Variants in MYH6 observed in about 807,000 individuals in gnomAD.
MYH6 encodes myosin heavy chain 6, also known as myosin-6.
In MYH6, 126 loss-of-function variants were observed where a neutral mutation model predicts 223.2. The ratio of observed to expected loss-of-function variants is 0.56; its 90% CI spans 0.49 to 0.65. The LOEUF (loss-of-function observed/expected upper bound fraction) is 0.65. Among genes scored for constraint, MYH6 ranks in the 30% least tolerant of loss-of-function variants. The pLI, the probability that MYH6 is intolerant of heterozygous loss-of-function variation, is 0.00. For synonymous variants in MYH6, 978 were observed against 1,010.2 expected (o/e 0.97, Z 0.61); for missense variants, 2,040 against 2,536.4 (o/e 0.80, Z 4.20).
In MYH6 at chr14:23,382,179, G is replaced by A. The variant is rs1319097969; in HGVS notation, c.5797-116C>T. The A allele has an allele frequency of 4.2e-6, 5 of 1,187,806 alleles. No homozygotes were observed. The African/African-American group carries it at 7.5e-5, about 18-fold the overall frequency. The allele number at this position is 1,187,806 out of a possible 1,614,324, so 73.6% of individuals were successfully genotyped here. A position where few individuals can be genotyped will look rare whatever the true frequency, so the allele number is the denominator to read the frequency against. ...AGATGCCCTTGGAGGGAGAGGCAGG[G>A]CCCCAGGGATCCTGTGGTCCCACGT... On this transcript the variant is annotated intron_variant, in intron 38 of 38. Transcript: ENST00000405093.
intron 37 of MYH6, 66 bp from the exon 38 acceptor site, chr14:23,382,628 A>G: frequency 1.2e-6 from 2 of 1,612,842 alleles, no homozygotes; most frequent in East Asian, 2.2e-5. Flanking sequence ...CAGCCTCTCA[A>G]CCTGAGGTTC....
chr14:23,402,324 G>A (rs531129344), intron 12 of MYH6, 140 bp downstream of exon 12: 31 of 1,314,802 alleles, frequency 2.4e-5, no homozygotes, highest in Middle Eastern at 2.7e-4. Flanking sequence ...GTCTGCCCAC[G>A]TCTCCCACGT....
rs762768954 is a variant in MYH6, at chr14:23,387,944, C to T, written c.4360-21G>A. 5 of 1,612,434 alleles carry T rather than the reference C, an allele frequency of 3.1e-6. No homozygotes were observed. In the African/African-American group the frequency reaches 4.0e-5, roughly 13 times the overall value. On this transcript the variant is annotated intron_variant, in intron 30 of 38. Transcript: ENST00000405093. ...AGGATCTGCCCGGGGACAAGGCTCACTCTTCAGCCCCCCAGCCTTAGCTCC... is the reference window on the plus strand; with the variant it reads ...AGGATCTGCCCGGGGACAAGGCTCATTCTTCAGCCCCCCAGCCTTAGCTCC...
Position 23,384,972 on chromosome 14 carries a change from C to T in MYH6, c.5233G>A (p.Glu1745Lys). 6.2e-7 allele frequency: 1 copy of T among 1,614,250 alleles called. No homozygotes were observed. The highest frequency in any genetic ancestry group is 8.5e-7 in the Non-Finnish European group (1 of 1,180,040). The change falls in exon 35 of 39, where the codon GAG (glutamate) becomes AAG (lysine). Residue 1745 changes from glutamate to lysine, a missense_variant. Around this residue, in one of 4 missense-constraint regions of MYH6, gnomAD observed 1,203 missense variants for 1,400.2 expected, o/e 0.86. Coordinates refer to ENST00000405093, the MANE Select transcript of MYH6 (RefSeq NM_002471.4). ...DLTQLQSEVE[E>K]AVQECRNAEE... ...GCGTTTCTGCACTCCTGCACTGCCTCCTCCACTTCCGACTGGAGCTGGGTC... is the reference window on the plus strand; with the variant it reads ...GCGTTTCTGCACTCCTGCACTGCCTTCTCCACTTCCGACTGGAGCTGGGTC...
chr14:23,404,974 A>C, intron 6 of MYH6, 126 bp downstream of exon 6: 1 of 1,524,978 alleles, frequency 6.6e-7, no homozygotes, highest in Non-Finnish European at 9.0e-7. Context: ...CACCCCTCTA[A>C]TGAGAGCTCA....
Position 23,389,738 on chromosome 14 carries a change from G to GT in MYH6, c.3733-20_3733-19insA. The GT allele has an allele frequency of 6.2e-7, 1 of 1,614,202 alleles. No homozygotes were observed. The highest frequency in any genetic ancestry group is 8.5e-7 in the Non-Finnish European group (1 of 1,180,038). ...GGTTTGCCTTCAGGAAGCAAGACAG[G>GT]AAGGGTGAGTGTGGGAGGGGCTGAG... is the stretch of plus-strand genomic sequence containing the variant. On this transcript the variant is annotated intron_variant, in intron 26 of 38. Coordinates refer to ENST00000405093, the MANE Select transcript of MYH6 (RefSeq NM_002471.4).
rs144329079 is a variant in MYH6 at position 23,384,607 on chromosome 14, G to A, written c.5400C>T (p.Asp1800=). ...CCTTGAGGGCGATCTGCTCGGCCTC[G>A]TCCAGCCGGTGCTGCAGGTCCTTAA... ...QTIKDLQHRL[D]EAEQIALKGG... The change falls in exon 36 of 39, where the codon GAC becomes GAT. Residue 1800 remains aspartate (D), a synonymous_variant. Coordinates refer to ENST00000405093, the MANE Select transcript of MYH6 (RefSeq NM_002471.4). The A allele has an allele frequency of 2.6e-4, 417 of 1,613,836 alleles. 2 individuals carry two copies. In the African/African-American group the frequency reaches 5.2e-3, roughly 20 times the overall value.
At chr14:23,397,671 C>T (rs1257316515) in intron 15 of MYH6, 58 bp from the exon 16 acceptor site, 2 of 1,564,672 alleles carry the variant, frequency 1.3e-6, no homozygotes, top group Non-Finnish European at 8.8e-7. Context: ...AGCCCTTGGG[C>T]AGAGGCAGAG....
Position 23,398,810 on chromosome 14 carries a change from G to T in MYH6, c.1809C>A (p.Asn603Lys). The change falls in exon 15 of 39, where the codon AAC becomes AAA. Residue 603 changes from asparagine (N) to lysine (K), a missense_variant. Coordinates refer to ENST00000405093, the MANE Select transcript of MYH6 (RefSeq NM_002471.4). ...GWLEKNKDPL[N>K]ETVVALYQKS... ...TCTGGTACAGGGCCACAACAGTCTC[G>T]TTGAGAGGATCCTTGTTTTTTTCCA... is the stretch of plus-strand genomic sequence containing the variant. 1 of 1,614,196 alleles carries T rather than the reference G, an allele frequency of 6.2e-7. No individual in the cohort carries two copies. Among genetic ancestry groups the T allele is most frequent in the Non-Finnish European group, 8.5e-7 (1 of 1,180,030 alleles).
chr14:23,388,811 C>T lies in MYH6; in HGVS notation c.4175+48G>A, dbSNP rs28730767. ...TGCCTGTCCCCACCCCAGGTCCTCTCGCCCCTTCCTCTCTGAGAGTCAGGT... is the reference window on the plus strand; with the variant it reads ...TGCCTGTCCCCACCCCAGGTCCTCTTGCCCCTTCCTCTCTGAGAGTCAGGT... On this transcript the variant is annotated intron_variant, in intron 29 of 38. Coordinates refer to ENST00000405093, the MANE Select transcript of MYH6 (RefSeq NM_002471.4). 1.9e-4 allele frequency: 299 copies of T among 1,613,830 alleles called. 1 individual carries two copies. In the African/African-American group the frequency reaches 3.5e-3, roughly 19 times the overall value.
intron 32 of MYH6, among the ~76,000 whole-genome samples, chr14:23,387,114 G>A (rs1200513539): frequency 6.6e-6 from 1 of 152,132 alleles, no homozygotes; most frequent in Non-Finnish European, 1.5e-5. Flanking sequence ...AAAATCATAT[G>A]AGGTATGTAC....
rs1595064416 is a variant in MYH6 at position 23,405,203 on chromosome 14, C to A, written c.502+20G>T. The A allele has an allele frequency of 6.2e-7, 1 of 1,613,950 alleles. No individual in the cohort carries two copies. Among genetic ancestry groups the A allele is most frequent in the African/African-American group, 1.3e-5 (1 of 75,042 alleles). On this transcript the variant is annotated intron_variant, in intron 5 of 38. Transcript: ENST00000405093. This position sits in a 1 kb window ranked among gnomAD's most constrained non-coding sequence, Gnocchi z 4.7. The stretch of plus-strand genomic sequence containing the variant: ...GGGTGTCTGGGAGGAGGAGCAGAGA[C>A]CAGGGGCCACCAGGCTCACCTGTCA...
Position 23,382,000 on chromosome 14 carries a change from T to A in MYH6, c.*40A>T, listed in dbSNP as rs1434565757. The A allele has an allele frequency of 6.2e-7, 1 of 1,614,106 alleles. No homozygotes were observed. The highest frequency in any genetic ancestry group is 8.5e-7 in the Non-Finnish European group (1 of 1,179,984). On this transcript the variant is annotated 3_prime_UTR_variant, in exon 39 of 39. Coordinates refer to ENST00000405093, the MANE Select transcript of MYH6 (RefSeq NM_002471.4). ...GCTCAGGCAGAGTTTGGCACTCATATTTATTACAGGTTGGCAAGAGTGAGG... is the reference window on the plus strand; with the variant it reads ...GCTCAGGCAGAGTTTGGCACTCATAATTATTACAGGTTGGCAAGAGTGAGG...
rs769228763 is a variant in MYH6 at position 23,384,501 on chromosome 14, C to T, written c.5506G>A (p.Ala1836Thr). 15 of 1,613,000 alleles carry T rather than the reference C, an allele frequency of 9.3e-6. No individual in the cohort carries two copies. The highest frequency in any genetic ancestry group is 2.2e-5 in the East Asian group (1 of 44,890). ...GELEAEQKRN[A>T]ESVKGMRKSE... ...TTCCTCATGCCCTTCACCGACTCTG[C>T]GTTGCGCTTCTGCTCGGCCTCCAGC... The change falls in exon 36 of 39, where the codon GCA becomes ACA. Residue 1836 changes from alanine (A) to threonine (T), a missense_variant. Ala to Thr is a moderately conservative substitution (Grantham distance 58). Coordinates refer to ENST00000405093, the MANE Select transcript of MYH6 (RefSeq NM_002471.4).
In MYH6 at chr14:23,402,495, C is replaced by A. The variant is rs763592565; in HGVS notation, c.1110G>T (p.Arg370=). 2 of 1,613,644 alleles carry A rather than the reference C, an allele frequency of 1.2e-6. No individual in the cohort carries two copies. Among genetic ancestry groups the A allele is most frequent in the Non-Finnish European group, 8.5e-7 (1 of 1,179,966 alleles). Residue 370 remains arginine (R), a synonymous_variant, in exon 12 of 39, where the codon CGG becomes CGT. Transcript: ENST00000405093. ...YGNMKFKQKQ[R]EEQAEPDGTE... Reference sequence around the variant, plus strand: ...TGCCGTCTGGCTCCGCCTGCTCCTCCCGCTGCTTCTGCTTGAACTTCATGT... The same window carrying A: ...TGCCGTCTGGCTCCGCCTGCTCCTCACGCTGCTTCTGCTTGAACTTCATGT...
intron 16 of MYH6, 46 bp from the exon 17 acceptor site, chr14:23,397,303 C>T: frequency 1.3e-6 from 2 of 1,554,222 alleles, no homozygotes; most frequent in Non-Finnish European, 1.8e-6. Flanking sequence ...AAGGACCATC[C>T]CTTAGGCCCT....
Position 23,389,495 on chromosome 14 carries a change from C to T in MYH6, c.3876G>A (p.Gln1292=), listed in dbSNP as rs145290322. ...AGATTAGCGCCTCCTTTTCCTCTAG[C>T]TGCCGGGCCAACTCTCCTGGAGGTG... The part of the protein sequence containing the change: ...LQTENGELAR[Q]LEEKEALISQ... The change falls in exon 28 of 39, where the codon CAG becomes CAA. Residue 1292 remains glutamine, a synonymous_variant. Transcript: ENST00000405093. 1.5e-5 allele frequency: 25 copies of T among 1,614,044 alleles called. No individual in the cohort carries two copies. In the Admixed American group the frequency reaches 2.5e-4, roughly 16 times the overall value.
intron 32 of MYH6, 130 bp from the exon 33 acceptor site, chr14:23,386,753 G>A (rs1891040175): frequency 8.7e-7 from 1 of 1,149,250 alleles, no homozygotes; most frequent in Non-Finnish European, 1.2e-6. Context: ...TGGGGAGGTG[G>A]GATCTGCACC....
intron 14 of MYH6, 73 bp downstream of exon 14, chr14:23,400,183 G>T (rs777742410): frequency 4.7e-5 from 75 of 1,609,812 alleles, no homozygotes; most frequent in Non-Finnish European, 6.2e-5. Flanking sequence ...TTTCTTGGGT[G>T]TAGAAGGGAC....
Sources: allele counts gnomAD v4.1 joint callset (sites outside exome capture counted in the v4.1 genomes callset), GRCh38; gene constraint gnomAD v4.1.1; regional missense constraint gnomAD v4.1.1; non-coding constraint Gnocchi (gnomAD v3.1); transcripts MANE v1.5; gene names NCBI Gene and HGNC (gene_info 2026-07-23, HGNC 2026-07-21).